The following CDK9 variants were observed in gnomAD, a reference collection of about 807,000 sequenced individuals.
CDK9 encodes the protein cyclin dependent kinase 9, also known as cyclin-dependent kinase 9.
In CDK9, 34 loss-of-function variants were observed where a neutral mutation model predicts 39.0. The observed-to-expected ratio is 0.87, with a 90% CI of 0.66 to 1.16. The LOEUF is 1.16. CDK9 is among the 50% of genes most tolerant of loss of function. The probability of loss-of-function intolerance (pLI) is 0.00; values close to 1 mark genes in which losing one functional copy is unlikely to be tolerated. For missense variants in CDK9, 369 were observed against 503.2 expected, an observed-to-expected ratio of 0.73 and a Z score of 2.55; for synonymous variants, 233 against 196.2, an observed-to-expected ratio of 1.19 and a Z score of -1.57.
At chr9:127,787,788 A>T (rs896182878) in intron 3 of CDK9, among the ~76,000 whole-genome samples, 159 bp from the exon 4 acceptor site, 1 of 152,132 alleles carries the variant, frequency 6.6e-6, no homozygotes, top group Non-Finnish European at 1.5e-5. Flanking sequence ...GGCCCAGAAG[A>T]GGCACTCAGA....
At chr9:127,786,264 G>C in intron 1 of CDK9, 24 bp downstream of exon 1, 1 of 1,583,796 alleles carries the variant, frequency 6.3e-7, no homozygotes, top group Non-Finnish European at 8.6e-7. Context: ...CCTCGGGGCC[G>C]GGAGCCCTGG....
chr9:127,786,670 T>A (rs368523668), intron 1 of CDK9, 31 bp from the exon 2 acceptor site: 3 of 1,598,474 alleles, frequency 1.9e-6, no homozygotes, highest in Non-Finnish European at 2.6e-6. Flanking sequence ...AATGGCCTGA[T>A]GAGTTCTCGG....
In CDK9 at chr9:127,786,258, G is replaced by A. The variant is rs190633494; in HGVS notation, c.92+18G>A. On this transcript the variant is annotated intron_variant, in intron 1 of 6. Coordinates refer to ENST00000373264, the MANE Select transcript of CDK9 (RefSeq NM_001261.4). ...ACCTTCGGGTAAGGCTGGGCCCCTC[G>A]GGGCCGGGAGCCCTGGGCCTGCACC... The A allele has an allele frequency of 2.9e-4, 456 of 1,598,548 alleles. 4 individuals carry two copies. The African/African-American group carries it at 5.0e-3, about 18-fold the overall frequency.
At position 127,787,628 on chromosome 9, in the gene CDK9, CGA is replaced by C; in HGVS notation, c.265+23_265+24del. 1 of 1,545,260 alleles carries C rather than the reference CGA, an allele frequency of 6.5e-7. No individual in the cohort carries two copies. Among genetic ancestry groups the C allele is most frequent in the Non-Finnish European group, 9.0e-7 (1 of 1,117,252 alleles). On this transcript the variant is annotated intron_variant, in intron 3 of 6. Coordinates refer to ENST00000373264, the MANE Select transcript of CDK9 (RefSeq NM_001261.4). ...CCAAAGGTAAGTTATTTGGTTCTTACGAGAAGATGACACTTGTAGCCTAAGGT... is the reference window on the plus strand; with the variant it reads ...CCAAAGGTAAGTTATTTGGTTCTTACGAAGATGACACTTGTAGCCTAAGGT...
At position 127,788,675 on chromosome 9, in the gene CDK9, G is replaced by C. The variant is rs768177225; in HGVS notation, c.736G>C (p.Gly246Arg). 6.2e-7 allele frequency: 1 copy of C among 1,607,482 alleles called. No individual in the cohort carries two copies. Among genetic ancestry groups the C allele is most frequent in the Non-Finnish European group, 8.5e-7 (1 of 1,176,818 alleles). ...HQLALISQLC[G>R]SITPEVWPNV... ...ACTCGCCCTCATCAGTCAGCTCTGCGGCTCCATCACCCCTGAGGTACGGGG... is the reference window on the plus strand; with the variant it reads ...ACTCGCCCTCATCAGTCAGCTCTGCCGCTCCATCACCCCTGAGGTACGGGG... The change falls in exon 6 of 7, where the codon GGC (glycine) becomes CGC (arginine). Residue 246 changes from glycine (G) to arginine (R), a missense_variant. Transcript: ENST00000373264.
intron 4 of CDK9, 41 bp downstream of exon 4, chr9:127,788,154 G>C (rs1478684280): frequency 5.6e-6 from 9 of 1,613,378 alleles, no homozygotes; most frequent in African/African-American, 1.3e-5. Flanking sequence ...GCTTGGGCTG[G>C]TCTTGGCTCC....
Position 127,789,431 on chromosome 9 carries a change from T to C in CDK9, c.1007T>C (p.Phe336Ser), listed in dbSNP as rs1428423917. Residue 336 changes from phenylalanine to serine, a missense_variant, in exon 7 of 7, where the codon TTC becomes TCC. Physicochemically the swap from Phe to Ser is radical, Grantham distance 155. Coordinates refer to ENST00000373264, the MANE Select transcript of CDK9 (RefSeq NM_001261.4). This position sits in a 1 kb window ranked among gnomAD's most constrained non-coding sequence, Gnocchi z 5.2. ...GMLSTHLTSM[F>S]EYLAPPRRKG... ...CTCTCCACCCACCTGACGTCCATGT[T>C]CGAGTACTTGGCACCACCGCGCCGG... The C allele has an allele frequency of 6.2e-7, 1 of 1,614,068 alleles. No individual in the cohort carries two copies.
At position 127,786,174 on chromosome 9, in the gene CDK9, A is replaced by G. The variant is rs566144307; in HGVS notation, c.26A>G (p.Glu9Gly). ...ATGGCAAAGCAGTACGACTCGGTGG[A>G]GTGCCCTTTTTGTGATGAAGTTTCC... MAKQYDSV[E>G]CPFCDEVSKY... The change falls in exon 1 of 7, where the codon GAG becomes GGG. Residue 9 changes from glutamate to glycine, a missense_variant. Physicochemically the swap from Glu to Gly is moderately conservative, Grantham distance 98. Coordinates refer to ENST00000373264, the MANE Select transcript of CDK9 (RefSeq NM_001261.4). 2 of 1,608,832 alleles carry G rather than the reference A, an allele frequency of 1.2e-6. No individual in the cohort carries two copies. Among genetic ancestry groups the G allele is most frequent in the African/African-American group, 1.3e-5 (1 of 74,222 alleles).
chr9:127,789,334 A>G lies in CDK9; in HGVS notation c.910A>G (p.Ile304Val), dbSNP rs766848600. Reference sequence around the variant, plus strand: ...GCTGGTGCTGGACCCTGCCCAGCGCATCGACAGCGATGACGCCCTCAACCA... The same window carrying G: ...GCTGGTGCTGGACCCTGCCCAGCGCGTCGACAGCGATGACGCCCTCAACCA... The part of the protein sequence containing the change: ...KLLVLDPAQR[I>V]DSDDALNHDF... Residue 304 changes from isoleucine (I) to valine (V), a missense_variant, in exon 7 of 7, where the codon ATC becomes GTC. Physicochemically the swap from Ile to Val is conservative, Grantham distance 29. Coordinates refer to ENST00000373264, the MANE Select transcript of CDK9 (RefSeq NM_001261.4). This position sits in a 1 kb window ranked among gnomAD's most constrained non-coding sequence, Gnocchi z 5.2. 18 of 1,613,946 alleles carry G rather than the reference A, an allele frequency of 1.1e-5. No individual in the cohort carries two copies. The East Asian group carries it at 1.8e-4, about 16-fold the overall frequency.
At position 127,790,585 on chromosome 9, in the gene CDK9, C is replaced by G. The variant is rs1018816778; in HGVS notation, c.*1042C>G. On this transcript the variant is annotated 3_prime_UTR_variant, in exon 7 of 7. Transcript: ENST00000373264. ...AGAATCCTTGGGAACCTTTGAGGAG[C>G]GGCACATTCTGGCAGGCACGTTTTC... 6.6e-6 allele frequency: 1 copy of G among 152,062 alleles called. No individual in the cohort carries two copies. The highest frequency in any genetic ancestry group is 2.1e-4 in the South Asian group (1 of 4,822). 9.4% of individuals were successfully genotyped at this position (152,062 alleles called of 1,614,324 possible).
Position 127,786,122 on chromosome 9 carries a change from G to C in CDK9, c.-27G>C. On this transcript the variant is annotated 5_prime_UTR_variant, in exon 1 of 7. Coordinates refer to ENST00000373264, the MANE Select transcript of CDK9 (RefSeq NM_001261.4). ...AGGAGCGGCGGCAGCAGCGACTGGG[G>C]GCGGCGGCGGCGCGTTGGAGGCGGC... 1 of 1,548,904 alleles carries C rather than the reference G, an allele frequency of 6.5e-7. No individual in the cohort carries two copies. The highest frequency in any genetic ancestry group is 8.8e-7 in the Non-Finnish European group (1 of 1,135,504).
intron 6 of CDK9, 49 bp downstream of exon 6, chr9:127,788,741 AGAG>A (rs3217746): frequency 2.2e-5 from 34 of 1,516,650 alleles, no homozygotes; most frequent in African/African-American, 4.1e-5. Flanking sequence ...GTCCCCCGGC[AGAG>A]GAGGAGTGGG....
rs377353612 is a variant in CDK9 at position 127,788,533 on chromosome 9, C to T, written c.605-11C>T. The T allele has an allele frequency of 6.4e-7, 1 of 1,554,678 alleles. No homozygotes were observed. Among genetic ancestry groups the T allele is most frequent in the Non-Finnish European group, 8.7e-7 (1 of 1,148,964 alleles). On this transcript the variant is annotated splice_polypyrimidine_tract_variant and intron_variant, in intron 5 of 6. Transcript: ENST00000373264. ...GCTCAAGGGGCCCTCCTGGTGCGCT[C>T]TTCTTCCCAGGGGAGCGGGACTACG... is the stretch of plus-strand genomic sequence containing the variant.
rs1014267439 is a variant in CDK9, at chr9:127,787,537, G to A, written c.194G>A (p.Arg65Gln). Residue 65 changes from arginine to glutamine, a missense_variant, in exon 3 of 7, where the codon CGG becomes CAG. Transcript: ENST00000373264. ...ACCCAGTTCCCCATTACAGCCTTGC[G>A]GGAGATCAAGATCCTTCAGCTTCTA... ...EKEGFPITAL[R>Q]EIKILQLLKH... is the part of the protein sequence containing the mutation. 5 of 1,613,054 alleles carry A rather than the reference G, an allele frequency of 3.1e-6. No individual in the cohort carries two copies. Among genetic ancestry groups the A allele is most frequent in the African/African-American group, 1.3e-5 (1 of 74,864 alleles).
At chr9:127,788,480 GGGGCATTGAGCCTCAGGAGGCCCTC>G (rs1454869471) in intron 5 of CDK9, 39 bp from the exon 6 acceptor site, 1 of 1,532,754 alleles carries the variant, frequency 6.5e-7, no homozygotes, top group Non-Finnish European at 8.8e-7. Context: ...TGCCGGCCCT[GGGGCATTGAGCCTCAGGAGGCCCTC>G]GGGCTCAAGG....
Position 127,788,369 on chromosome 9 carries a change from C to A in CDK9, c.588C>A (p.Pro196=), listed in dbSNP as rs546949961. 2.0e-5 allele frequency: 32 copies of A among 1,612,370 alleles called. 1 individual carries two copies. In the South Asian group the frequency reaches 3.0e-4, roughly 15 times the overall value. ...TNRVVTLWYR[P]PELLLGERDY... ...GTGTGGTGACACTCTGGTACCGGCC[C>A]CCGGAGCTGTTGCTCGGTGAGGACT... The change falls in exon 5 of 7, where the codon CCC becomes CCA. Residue 196 remains proline (P), a synonymous_variant. Coordinates refer to ENST00000373264, the MANE Select transcript of CDK9 (RefSeq NM_001261.4).
intron 1 of CDK9, 140 bp from the exon 2 acceptor site, chr9:127,786,561 G>C (rs1829324108): frequency 1.4e-6 from 1 of 704,512 alleles, no homozygotes; most frequent in Non-Finnish European, 2.4e-6. Context: ...GCCGGGTGGC[G>C]GGGTAGCCGC....
chr9:127,789,178 G>A lies in CDK9; in HGVS notation c.754G>A (p.Val252Met). The change falls in exon 7 of 7, where the codon GTG (valine) becomes ATG (methionine). Residue 252 changes from valine to methionine, a missense_variant and splice_region_variant. By Grantham distance (21) the Val-to-Met change is conservative. Coordinates refer to ENST00000373264, the MANE Select transcript of CDK9 (RefSeq NM_001261.4). The surrounding 1 kb of genome is among the most constrained non-coding windows in gnomAD (Gnocchi z 5.2). ...TCTCTCAACGCCCCCTCCCTCCCAG[G>A]TGTGGCCAAACGTGGACAACTATGA... Reference protein sequence around the residue: ...SQLCGSITPEVWPNVDNYELY... With the variant: ...SQLCGSITPEMWPNVDNYELY... 6.4e-7 allele frequency: 1 copy of A among 1,566,684 alleles called. No homozygotes were observed. The highest frequency in any genetic ancestry group is 8.7e-7 in the Non-Finnish European group (1 of 1,151,982).
rs150060991 is a variant in CDK9 at position 127,789,423 on chromosome 9, G to T, written c.999G>T (p.Thr333=). The change falls in exon 7 of 7, where the codon ACG becomes ACT. Residue 333 remains threonine (T), a synonymous_variant. Transcript: ENST00000373264. The surrounding 1 kb of genome is among the most constrained non-coding windows in gnomAD (Gnocchi z 5.2). The part of the protein sequence containing the change: ...DLKGMLSTHL[T]SMFEYLAPPR... Reference sequence around the variant, plus strand: ...AGGGCATGCTCTCCACCCACCTGACGTCCATGTTCGAGTACTTGGCACCAC... The same window carrying T: ...AGGGCATGCTCTCCACCCACCTGACTTCCATGTTCGAGTACTTGGCACCAC... 1.2e-6 allele frequency: 2 copies of T among 1,613,896 alleles called. No individual in the cohort carries two copies. Among genetic ancestry groups the T allele is most frequent in the African/African-American group, 2.7e-5 (2 of 74,898 alleles).
Sources: gnomAD v4.1 joint callset for allele counts (sites outside exome capture counted in the v4.1 genomes callset) on GRCh38, gnomAD v4.1.1 for gene constraint, Gnocchi (gnomAD v3.1) non-coding constraint, MANE v1.5 for transcripts, NCBI Gene and HGNC (gene_info 2026-07-23, HGNC 2026-07-21) for gene names.